The following CYP27C1 variants were observed in gnomAD, a reference collection of about 807,000 sequenced individuals.
CYP27C1 encodes the protein cytochrome P450 27C1.
Under a neutral mutation model 40.6 loss-of-function variants are expected in CYP27C1, and 29 were observed. The observed-to-expected ratio is 0.71, with a 90% CI of 0.53 to 0.97. The LOEUF is 0.97. CYP27C1 is among the 50% of genes least tolerant of loss of function. CYP27C1 has a pLI of 0.00. For synonymous variants in CYP27C1, 198 were observed against 186.8 expected (o/e 1.06, Z -0.49); for missense variants, 390 against 485.8 (o/e 0.80, Z 1.85).
At chr2:127,193,376 G>A (rs140787569) in intron 7 of CYP27C1, 79 bp from the exon 8 acceptor site, 201 of 1,567,172 alleles carry the variant, frequency 1.3e-4, no homozygotes, top group Non-Finnish European at 1.6e-4. Context: ...AGCCCTAGCC[G>A]GACAGTCTCC....
intron 8 of CYP27C1, among the ~76,000 whole-genome samples, chr2:127,191,491 G>A (rs1682773895): frequency 6.6e-6 from 1 of 152,158 alleles, no homozygotes; most frequent in African/African-American, 2.4e-5. Context: ...CCTTCGGGAG[G>A]GTGCAGTGGC....
intron 3 of CYP27C1, among the ~76,000 whole-genome samples, chr2:127,202,454 G>C (rs1002568771): frequency 6.6e-6 from 1 of 152,198 alleles, no homozygotes. Context: ...TAAAGAGAAA[G>C]CACGGTGCAG....
rs1573886779 is a variant in CYP27C1 at position 127,186,405 on chromosome 2, A to G, written c.*866T>C. 6.6e-6 allele frequency: 1 copy of G among 150,592 alleles called. No individual in the cohort carries two copies. Among genetic ancestry groups the G allele is most frequent in the African/African-American group, 2.5e-5 (1 of 40,810 alleles). 9.3% of individuals were successfully genotyped at this position (150,592 alleles called of 1,614,324 possible). A position where few individuals can be genotyped will look rare whatever the true frequency, so the allele number is the denominator to read the frequency against. ...ATTTTATTTTATTTTATTTTATTTTATTTTATTTTTGAGAAAGGGTCTCAC... is the reference window on the plus strand; with the variant it reads ...ATTTTATTTTATTTTATTTTATTTTGTTTTATTTTTGAGAAAGGGTCTCAC... On this transcript the variant is annotated 3_prime_UTR_variant, in exon 9 of 9. Transcript: ENST00000664447. The surrounding 1 kb of genome is among the most constrained non-coding windows in gnomAD (Gnocchi z 4.5).
chr2:127,202,146 T>TG (rs2104687393), intron 3 of CYP27C1, among the ~76,000 whole-genome samples: 1 of 150,834 alleles, frequency 6.6e-6, no homozygotes, highest in Admixed American at 6.6e-5. Context: ...TTTTTTGAGA[T>TG]GGAGTTTCAC....
At chr2:127,198,682 ATACT>A (rs1196055422) in intron 5 of CYP27C1, among the ~76,000 whole-genome samples, 2 of 152,224 alleles carry the variant, frequency 1.3e-5, no homozygotes, top group Non-Finnish European at 2.9e-5. Context: ...AGATACACAC[ATACT>A]TACCACTGTG....
rs1392563881 is a variant in CYP27C1 at position 127,218,489 on chromosome 2, G to A, written c.282+1500C>T. Reference sequence around the variant, plus strand: ...GGGGGTGGCGGTTTGGAACTGTATAGGGTTGGCGTGGCGGACTTGAGGAGG... The same window carrying A: ...GGGGGTGGCGGTTTGGAACTGTATAAGGTTGGCGTGGCGGACTTGAGGAGG... On this transcript the variant is annotated intron_variant, in intron 1 of 8. Coordinates refer to ENST00000664447, the MANE Select transcript of CYP27C1 (RefSeq NM_001367502.1). This position sits in a 1 kb window ranked among gnomAD's most constrained non-coding sequence, Gnocchi z 6.0. Among the ~76,000 whole-genome samples, 1 of 152,114 alleles carries A rather than the reference G, an allele frequency of 6.6e-6. No individual in the cohort carries two copies. Among genetic ancestry groups the A allele is most frequent in the Non-Finnish European group, 1.5e-5 (1 of 68,010 alleles).
chr2:127,186,279 T>TTCCAATAAAATTTATTTC lies in CYP27C1; in HGVS notation c.*991_*992insGAAATAAATTTTATTGGA, dbSNP rs1193502644. On this transcript the variant is annotated 3_prime_UTR_variant, in exon 9 of 9. Coordinates refer to ENST00000664447, the MANE Select transcript of CYP27C1 (RefSeq NM_001367502.1). This position sits in a 1 kb window ranked among gnomAD's most constrained non-coding sequence, Gnocchi z 4.5. ...TTATTATTTATTTATTATTTATTTC[T>TTCCAATAAAATTTATTTC]TCCAAATAAAAACTAATAGTCAACT... is the stretch of plus-strand genomic sequence containing the variant. The TTCCAATAAAATTTATTTC allele has an allele frequency of 2.0e-5, 3 of 151,362 alleles. No individual in the cohort carries two copies. In the East Asian group the frequency reaches 5.8e-4, roughly 29 times the overall value. The allele number at this position is 151,362 out of a possible 1,614,324, so 9.4% of individuals were successfully genotyped here.
At chr2:127,203,029 G>A (rs1160826423) in intron 3 of CYP27C1, among the ~76,000 whole-genome samples, 1 of 152,108 alleles carries the variant, frequency 6.6e-6, no homozygotes, top group Admixed American at 6.5e-5. Flanking sequence ...TTAGCCGGGA[G>A]TGGTGGCAGG....
intron 3 of CYP27C1, among the ~76,000 whole-genome samples, chr2:127,202,761 T>C (rs1056774104): frequency 3.3e-5 from 5 of 152,058 alleles, no homozygotes; most frequent in South Asian, 4.2e-4. Flanking sequence ...TTTTTGAACA[T>C]GTAAATTAGT....
At chr2:127,204,543 G>C (rs183018394) in intron 2 of CYP27C1, among the ~76,000 whole-genome samples, 1 of 55,068 alleles carries the variant, frequency 1.8e-5, no homozygotes, top group African/African-American at 7.2e-5. Flanking sequence ...GAAAGAGAGA[G>C]AGAGAGAGAG....
rs569661002 is a variant in CYP27C1 at position 127,199,721 on chromosome 2, A to C, written c.884-182T>G. Among the ~76,000 whole-genome samples, 36 of 152,354 alleles carry C rather than the reference A, an allele frequency of 2.4e-4. 1 individual carries two copies. The South Asian group carries it at 7.2e-3, about 31-fold the overall frequency. Reference sequence around the variant, plus strand: ...CTCATACACTTGCTTATGTAAATGAATGAAAAGTTAAAAGACAAGCTAAAC... The same window carrying C: ...CTCATACACTTGCTTATGTAAATGACTGAAAAGTTAAAAGACAAGCTAAAC... On this transcript the variant is annotated intron_variant, in intron 4 of 8. Transcript: ENST00000664447.
chr2:127,214,782 G>GTTTTTTTTTTTTTTTTT (rs57262340), intron 1 of CYP27C1, among the ~76,000 whole-genome samples: 3 of 92,376 alleles, frequency 3.2e-5, no homozygotes, highest in Non-Finnish European at 4.3e-5. Flanking sequence ...TCCGTTTTTT[G>GTTTTTTTTTTTTTTTTT]TTTTTTTTTT....
At chr2:127,204,555 G>GAGAGAGAAAGAAAGAA (rs1553503372) in intron 2 of CYP27C1, among the ~76,000 whole-genome samples, 8 of 39,182 alleles carry the variant, frequency 2.0e-4, no homozygotes, top group Non-Finnish European at 3.5e-4. Context: ...GAGAGAGAGA[G>GAGAGAGAAAGAAAGAA]AGAAAGAAAG....
chr2:127,197,957 C>G (rs1486546410), intron 5 of CYP27C1, among the ~76,000 whole-genome samples: 1 of 152,106 alleles, frequency 6.6e-6, no homozygotes, highest in East Asian at 1.9e-4. Flanking sequence ...CGCACAGTCA[C>G]GGACAGATGT....
At chr2:127,204,716 C>A (rs1683186973) in intron 2 of CYP27C1, among the ~76,000 whole-genome samples, 1 of 152,152 alleles carries the variant, frequency 6.6e-6, no homozygotes, top group Non-Finnish European at 1.5e-5. Flanking sequence ...TGGCTGCACT[C>A]GGAGAGCACC....
chr2:127,188,745 T>G (rs1289224623), intron 8 of CYP27C1, among the ~76,000 whole-genome samples: 1 of 151,994 alleles, frequency 6.6e-6, no homozygotes, highest in East Asian at 1.9e-4. Flanking sequence ...ACCTACACAG[T>G]GAGTTTGAAA....
intron 2 of CYP27C1, among the ~76,000 whole-genome samples, chr2:127,204,522 AAAG>A (rs1683153387): frequency 2.5e-5 from 1 of 40,344 alleles, no homozygotes; most frequent in Admixed American, 3.4e-4. Context: ...AGAAGGAAAG[AAAG>A]AAAGAAAGAA....
At position 127,209,650 on chromosome 2, in the gene CYP27C1, C is replaced by A. The variant is rs905363810; in HGVS notation, c.283-3560G>T. The stretch of plus-strand genomic sequence containing the variant: ...TTAGAGGAACTGCTAACTAGAATAA[C>A]CAGTTTAGAGAGGAACATAAATGAC... On this transcript the variant is annotated intron_variant, in intron 1 of 8. Coordinates refer to ENST00000664447, the MANE Select transcript of CYP27C1 (RefSeq NM_001367502.1). The surrounding 1 kb of genome is among the most constrained non-coding windows in gnomAD (Gnocchi z 4.1). 6.6e-6 allele frequency among the ~76,000 whole-genome samples: 1 copy of A among 152,112 alleles called. No individual in the cohort carries two copies. The highest frequency in any genetic ancestry group is 1.5e-5 in the Non-Finnish European group (1 of 68,018).
rs1212279592 is a variant in CYP27C1, at chr2:127,196,977, T to C, written c.1048-1476A>G. ...AATGGAGTTGACTATGCATAAGTTA[T>C]ACCGCAATAAAATCATACTAATTTT... On this transcript the variant is annotated intron_variant, in intron 5 of 8. Transcript: ENST00000664447. The surrounding 1 kb of genome is among the most constrained non-coding windows in gnomAD (Gnocchi z 4.5). Among the ~76,000 whole-genome samples the C allele has an allele frequency of 6.6e-6, 1 of 152,232 alleles. No homozygotes were observed. The highest frequency in any genetic ancestry group is 1.5e-5 in the Non-Finnish European group (1 of 68,048).
Sources: allele counts gnomAD v4.1 joint callset (sites outside exome capture counted in the v4.1 genomes callset), GRCh38; gene constraint gnomAD v4.1.1; non-coding constraint Gnocchi (gnomAD v3.1); transcripts MANE v1.5; gene names NCBI Gene and HGNC (gene_info 2026-07-23, HGNC 2026-07-21).